The following SLC30A3 variants were observed in gnomAD, a reference collection of about 807,000 sequenced individuals.
SLC30A3 encodes solute carrier family 30 member 3.
In SLC30A3, 20 loss-of-function variants were observed where a neutral mutation model predicts 35.6. The observed-to-expected ratio is 0.56, with a 90% confidence interval of 0.39 to 0.82. The LOEUF is 0.82. SLC30A3 is among the 40% of genes least tolerant of loss of function. The probability of loss-of-function intolerance (pLI) is 0.00; values close to 1 mark genes in which losing one functional copy is unlikely to be tolerated. For synonymous variants in SLC30A3, 217 were observed against 224.7 expected, an observed-to-expected ratio of 0.97 and a Z score of 0.31; for missense variants, 401 against 530.6, an observed-to-expected ratio of 0.76 and a Z score of 2.40.
At chr2:27,267,933 CAA>C (rs772509148), upstream of SLC30A3, among the ~76,000 whole-genome samples, 1 of 129,054 alleles carries the variant, frequency 7.7e-6, no homozygotes, top group Non-Finnish European at 1.7e-5. Context: ...GACTCCATCT[CAA>C]AAAAAAAAAA....
chr2:27,268,470 T>C (rs1677587566), intron 1 of SLC30A3, among the ~76,000 whole-genome samples: 1 of 152,148 alleles, frequency 6.6e-6, no homozygotes, highest in Non-Finnish European at 1.5e-5. Context: ...AGGTTCACTT[T>C]AGGCCGGGGG....
chr2:27,255,495 G>C lies in SLC30A3; in HGVS notation c.1019-35C>G, dbSNP rs376809166. The stretch of plus-strand genomic sequence containing the variant: ...AGTGATAAGAGGCGGCATCCATCCC[G>C]GGGGAGAAAGAACAGGCAGGGACTG... On this transcript the variant is annotated intron_variant, in intron 7 of 7. Coordinates refer to ENST00000233535, the MANE Select transcript of SLC30A3 (RefSeq NM_003459.5). This position sits in a 1 kb window ranked among gnomAD's most constrained non-coding sequence, Gnocchi z 5.2. 6.2e-6 allele frequency: 10 copies of C among 1,604,306 alleles called. No individual in the cohort carries two copies. The highest frequency in any genetic ancestry group is 2.2e-5 in the East Asian group (1 of 44,640).
intron 1 of SLC30A3, among the ~76,000 whole-genome samples, chr2:27,260,275 C>G (rs951278104): frequency 6.6e-6 from 1 of 152,120 alleles, no homozygotes; most frequent in Non-Finnish European, 1.5e-5. Flanking sequence ...CTGGGGTTGT[C>G]ATGGGAGGAA....
chr2:27,275,167 G>A lies in SLC30A3; in HGVS notation c.-159+10C>T, dbSNP rs184389364. Reference sequence around the variant, plus strand: ...ACACACCTCTTAAGAAGGGCATGCAGCAGCCATACCTCTCATCCGCCACGG... The same window carrying A: ...ACACACCTCTTAAGAAGGGCATGCAACAGCCATACCTCTCATCCGCCACGG... On this transcript the variant is annotated intron_variant, in intron 1 of 5. Coordinates refer to the SLC30A3 transcript ENST00000424577. 39 of 1,302,926 alleles carry A rather than the reference G, an allele frequency of 3.0e-5. No individual in the cohort carries two copies. The Middle Eastern group carries it at 8.5e-4, about 28-fold the overall frequency. The allele number at this position is 1,302,926 out of a possible 1,614,324, so 80.7% of individuals were successfully genotyped here.
intron 1 of SLC30A3, among the ~76,000 whole-genome samples, chr2:27,270,140 TTAA>T: frequency 6.6e-6 from 1 of 152,282 alleles, no homozygotes; most frequent in East Asian, 1.9e-4. Flanking sequence ...TTAATGACAA[TTAA>T]TAACAATTAA....
At chr2:27,264,327 G>C (rs377714810), upstream of SLC30A3, among the ~76,000 whole-genome samples, 22 of 152,312 alleles carry the variant, frequency 1.4e-4, 1 homozygote, top group East Asian at 4.1e-3. The surrounding 1 kb of genome is among the most constrained non-coding windows in gnomAD (Gnocchi z 6.1). Context: ...ACGAGCCCAA[G>C]AGTGCACTTG....
At chr2:27,268,112 G>A (rs1677572325) in intron 1 of SLC30A3, among the ~76,000 whole-genome samples, 1 of 152,124 alleles carries the variant, frequency 6.6e-6, no homozygotes, top group Admixed American at 6.5e-5. Context: ...CATGATGGCA[G>A]AAATTCTGTC....
chr2:27,265,240 G>A (rs978645493), upstream of SLC30A3, among the ~76,000 whole-genome samples: 3 of 152,244 alleles, frequency 2.0e-5, no homozygotes, highest in African/African-American at 7.2e-5. The surrounding 1 kb of genome is among the most constrained non-coding windows in gnomAD (Gnocchi z 5.9). Context: ...CGCCCCTGCC[G>A]GGAGCCACCA....
At chr2:27,264,999 G>A (rs1409543184), upstream of SLC30A3, among the ~76,000 whole-genome samples, 1 of 152,246 alleles carries the variant, frequency 6.6e-6, no homozygotes, top group African/African-American at 2.4e-5. The surrounding 1 kb of genome is among the most constrained non-coding windows in gnomAD (Gnocchi z 6.1). Flanking sequence ...CGCACTCCGC[G>A]GCTCGGATGC....
upstream of SLC30A3, chr2:27,275,533 G>T (rs891346986): frequency 6.1e-6 from 2 of 326,252 alleles, no homozygotes; most frequent in Non-Finnish European, 1.2e-5. Flanking sequence ...CACCCACCTG[G>T]CTTAAGAGAA....
rs535823849 is a variant in SLC30A3 at position 27,262,801 on chromosome 2, G to C, written c.95+11C>G. The C allele has an allele frequency of 8.3e-5, 130 of 1,559,648 alleles. No homozygotes were observed. Among genetic ancestry groups the C allele is most frequent in the Admixed American group, 7.0e-4 (36 of 51,382 alleles). ...GCCCCCGGGCCGAGGGCCAGCCCAG[G>C]TCTGTCCTACCTCTTCAAACGCAGG... On this transcript the variant is annotated intron_variant, in intron 1 of 7. Transcript: ENST00000233535. This position sits in a 1 kb window ranked among gnomAD's most constrained non-coding sequence, Gnocchi z 7.5.
At chr2:27,273,385 C>T (rs1440894177) in intron 1 of SLC30A3, among the ~76,000 whole-genome samples, 2 of 152,168 alleles carry the variant, frequency 1.3e-5, no homozygotes, top group African/African-American at 4.8e-5. Context: ...GGCAGGACCA[C>T]GCTGGGTCTT....
Position 27,257,534 on chromosome 2 carries a change from T to C in SLC30A3, c.579-182A>G. ...CCAGACTTGGTGCCACACATGTGGATTCGGAAGCTGGCCCTGTTACTTAAA... is the reference window on the plus strand; with the variant it reads ...CCAGACTTGGTGCCACACATGTGGACTCGGAAGCTGGCCCTGTTACTTAAA... On this transcript the variant is annotated intron_variant, in intron 4 of 7. Coordinates refer to ENST00000233535, the MANE Select transcript of SLC30A3 (RefSeq NM_003459.5). This position sits in a 1 kb window ranked among gnomAD's most constrained non-coding sequence, Gnocchi z 4.7. The C allele has an allele frequency of 3.1e-6, 2 of 649,452 alleles. No homozygotes were observed. Among genetic ancestry groups the C allele is most frequent in the South Asian group, 3.7e-5 (2 of 53,460 alleles). 40.2% of individuals were successfully genotyped at this position (649,452 alleles called of 1,614,324 possible). A position where few individuals can be genotyped will look rare whatever the true frequency, so the allele number is the denominator to read the frequency against.
In SLC30A3 at chr2:27,253,688, C is replaced by T. The variant is rs570356878; in HGVS notation, c.*1624G>A. 1 of 136,700 alleles carries T rather than the reference C, an allele frequency of 7.3e-6. No individual in the cohort carries two copies. Among genetic ancestry groups the T allele is most frequent in the African/African-American group, 2.9e-5 (1 of 34,890 alleles). 8.5% of individuals were successfully genotyped at this position (136,700 alleles called of 1,614,324 possible). Reference sequence around the variant, plus strand: ...GTTTGATTTTTTTTTTTTTTTGAGACAAGGTCTTGCTCTGTTGCCCAGGCT... The same window carrying T: ...GTTTGATTTTTTTTTTTTTTTGAGATAAGGTCTTGCTCTGTTGCCCAGGCT... On this transcript the variant is annotated 3_prime_UTR_variant, in exon 8 of 8. Transcript: ENST00000233535.
At chr2:27,259,549 G>A (rs1164058738) in intron 1 of SLC30A3, among the ~76,000 whole-genome samples, 2 of 151,796 alleles carry the variant, frequency 1.3e-5, no homozygotes, top group African/African-American at 4.8e-5. Context: ...GTGCAGTGGT[G>A]TGATCAGAGC....
upstream of SLC30A3, chr2:27,275,516 T>A: frequency 3.0e-6 from 1 of 328,194 alleles, no homozygotes; most frequent in Non-Finnish European, 6.0e-6. Context: ...CCCAAAAGGA[T>A]GAAGGGCACC....
chr2:27,275,228 G>A (rs759825368), exon 1 of SLC30A3: 7 of 1,303,826 alleles, frequency 5.4e-6, no homozygotes, highest in Non-Finnish European at 7.1e-6. Context: ...AGTGAGTTGG[G>A]CCATCAAGAT....
Position 27,255,377 on chromosome 2 carries a change from G to T in SLC30A3, c.1102C>A (p.Gln368Lys). 6.2e-7 allele frequency: 1 copy of T among 1,614,178 alleles called. No individual in the cohort carries two copies. Among genetic ancestry groups the T allele is most frequent in the Non-Finnish European group, 8.5e-7 (1 of 1,180,032 alleles). ...SRFGFSSCTL[Q>K]VEQYQPEMAQ... ...ATCTCCGGCTGATACTGCTCGACCT[G>T]CAGGGTGCAGCTGGAGAATCCAAAC... is the stretch of plus-strand genomic sequence containing the variant. Residue 368 changes from glutamine to lysine, a missense_variant, in exon 8 of 8, where the codon CAG becomes AAG. Coordinates refer to ENST00000233535, the MANE Select transcript of SLC30A3 (RefSeq NM_003459.5). This position sits in a 1 kb window ranked among gnomAD's most constrained non-coding sequence, Gnocchi z 5.2.
intron 1 of SLC30A3, among the ~76,000 whole-genome samples, chr2:27,269,524 C>A (rs539287580): frequency 6.6e-6 from 1 of 151,916 alleles, no homozygotes; most frequent in Non-Finnish European, 1.5e-5. Flanking sequence ...TCTTTTTTTA[C>A]AAACCCTGCA....
Sources: allele counts gnomAD v4.1 joint callset (sites outside exome capture counted in the v4.1 genomes callset), GRCh38; gene constraint gnomAD v4.1.1; non-coding constraint Gnocchi (gnomAD v3.1); transcripts MANE v1.5; gene names NCBI Gene and HGNC (gene_info 2026-07-23, HGNC 2026-07-21).